The following ATAD3B variants were observed in gnomAD, a reference collection of about 807,000 sequenced individuals.
ATAD3B encodes the protein ATPase family AAA domain containing 3B.
Under a neutral mutation model 70.2 loss-of-function variants are expected in ATAD3B, and 59 were observed. The ratio of observed to expected loss-of-function variants is 0.84; its 90% CI spans 0.68 to 1.04. The LOEUF (loss-of-function observed/expected upper bound fraction) is 1.04, where lower values mean the gene tolerates loss of function less well. Among genes scored for constraint, ATAD3B ranks in the 50% least tolerant of loss-of-function variants. The pLI is 0.00. For missense variants in ATAD3B, 961 were observed against 913.4 expected (o/e 1.05, Z -0.67); for synonymous variants, 423 against 388.6 (o/e 1.09, Z -1.04).
rs573569267 is a variant in ATAD3B at position 1,487,802 on chromosome 1, C to T, written c.1215-61C>T. On this transcript the variant is annotated intron_variant, in intron 11 of 15. Transcript: ENST00000673477. ...CTGGCCTGCTCCTGCCGCGGCCGGA[C>T]GCTGCTGTGGGCTGCTCCTGGCGTC... 16 of 1,595,102 alleles carry T rather than the reference C, an allele frequency of 1.0e-5. 1 individual carries two copies. The highest frequency in any genetic ancestry group is 1.3e-5 in the African/African-American group (1 of 74,722).
In ATAD3B at chr1:1,471,943, C is replaced by T; in HGVS notation, c.59C>T (p.Pro20Leu). The change falls in exon 1 of 16, where the codon CCG becomes CTG. Residue 20 changes from proline (P) to leucine (L), a missense_variant. Coordinates refer to ENST00000673477, the MANE Select transcript of ATAD3B (RefSeq NM_031921.6). Reference sequence around the variant, plus strand: ...AAGGGTGAAGGCGCGGGGCCGCCGCCGCCTTTGCCGCCCGCGCAGCCCGGG... The same window carrying T: ...AAGGGTGAAGGCGCGGGGCCGCCGCTGCCTTTGCCGCCCGCGCAGCCCGGG... ...GPKGEGAGPP[P>L]PLPPAQPGAE... 2 of 1,238,944 alleles carry T rather than the reference C, an allele frequency of 1.6e-6. No homozygotes were observed. The highest frequency in any genetic ancestry group is 2.0e-6 in the Non-Finnish European group (2 of 986,408). 76.7% of individuals were successfully genotyped at this position (1,238,944 alleles called of 1,614,324 possible).
At chr1:1,503,531 C>G in the ATAD3B span, 3 of 1,561,536 alleles carry the variant, frequency 1.9e-6, no homozygotes, top group South Asian at 2.3e-5. Flanking sequence ...TGGTGCCTGC[C>G]CAGCGGCATC....
At chr1:1,503,095 C>A in the ATAD3B span, among the ~76,000 whole-genome samples, 1 of 151,484 alleles carries the variant, frequency 6.6e-6, no homozygotes, top group African/African-American at 2.4e-5. Context: ...TGGTGGCGGG[C>A]ACCTGTAGTC....
At chr1:1,497,896 C>G (rs1412619559), downstream of ATAD3B, 1 of 148,578 alleles carries the variant, frequency 6.7e-6, no homozygotes, top group Non-Finnish European at 1.5e-5. Context: ...CCCAGCACAG[C>G]AGCTCACGCC....
At chr1:1,491,538 A>G (rs556330498) in intron 15 of ATAD3B, among the ~76,000 whole-genome samples, 1 of 151,930 alleles carries the variant, frequency 6.6e-6, no homozygotes, top group East Asian at 1.9e-4. Flanking sequence ...TCAAAATAAA[A>G]GAAAGCTTTG....
At chr1:1,505,461 G>A in the ATAD3B span, among the ~76,000 whole-genome samples, 1 of 152,206 alleles carries the variant, frequency 6.6e-6, no homozygotes, top group African/African-American at 2.4e-5. Flanking sequence ...CTGTGGGCGG[G>A]CCTGACCCTC....
rs1186998003 is a variant in ATAD3B at position 1,496,631 on chromosome 1, C to G, written c.*814C>G. The G allele has an allele frequency of 2.0e-5, 3 of 151,914 alleles. No individual in the cohort carries two copies. The highest frequency in any genetic ancestry group is 3.9e-4 in the East Asian group (2 of 5,156). 9.4% of individuals were successfully genotyped at this position (151,914 alleles called of 1,614,324 possible). A position where few individuals can be genotyped will look rare whatever the true frequency, so the allele number is the denominator to read the frequency against. On this transcript the variant is annotated 3_prime_UTR_variant, in exon 16 of 16. Coordinates refer to ENST00000673477, the MANE Select transcript of ATAD3B (RefSeq NM_031921.6). ...CAGGCCACACTGGGAGACCACAGTC[C>G]TGGCATGCCATGCAGCTCCCTGTCC...
Position 1,478,900 on chromosome 1 carries a change from C to A in ATAD3B, c.385-149C>A, listed in dbSNP as rs1350647495. 166 of 718,228 alleles carry A rather than the reference C, an allele frequency of 2.3e-4. 1 individual carries two copies. The highest frequency in any genetic ancestry group is 3.3e-4 in the Non-Finnish European group (153 of 466,964). 44.5% of individuals were successfully genotyped at this position (718,228 alleles called of 1,614,324 possible). On this transcript the variant is annotated intron_variant, in intron 3 of 15. Coordinates refer to ENST00000673477, the MANE Select transcript of ATAD3B (RefSeq NM_031921.6). ...CACAAACGCCTAAGACCTGTAAGGT[C>A]CCTCACTGCTGAGCCGGACGGGAGG...
intron 4 of ATAD3B, 39 bp from the exon 5 acceptor site, chr1:1,480,828 T>G: frequency 6.3e-7 from 1 of 1,593,704 alleles, no homozygotes; most frequent in Non-Finnish European, 8.5e-7. Flanking sequence ...ATTTTTCTGG[T>G]TTTAAAGGCT....
intron 2 of ATAD3B, chr1:1,478,441 C>T (rs1241296512): frequency 3.9e-6 from 6 of 1,532,448 alleles, no homozygotes; most frequent in Non-Finnish European, 4.4e-6. Context: ...GCAGGCTTCT[C>T]TGCTGGTGCT....
At position 1,493,859 on chromosome 1, in the gene ATAD3B, A is replaced by G. The variant is rs138725529; in HGVS notation, c.1615-1626A>G. 5.5e-3 allele frequency among the ~76,000 whole-genome samples: 834 copies of G among 152,054 alleles called. 13 individuals carry two copies. Among genetic ancestry groups the G allele is most frequent in the African/African-American group, 0.019 (797 of 41,520 alleles). On this transcript the variant is annotated intron_variant, in intron 15 of 15. Transcript: ENST00000673477. ...GTTGAGGACTTTCCCAGTGAGGCTC[A>G]TCAGGGATATTGGCCTGCCATTTCT...
At position 1,496,040 on chromosome 1, in the gene ATAD3B, C is replaced by T. The variant is rs1640779195; in HGVS notation, c.*223C>T. 3.0e-6 allele frequency: 4 copies of T among 1,327,890 alleles called. No homozygotes were observed. The highest frequency in any genetic ancestry group is 1.5e-5 in the African/African-American group (1 of 68,096). The allele number at this position is 1,327,890 out of a possible 1,614,324, so 82.3% of individuals were successfully genotyped here. On this transcript the variant is annotated 3_prime_UTR_variant, in exon 16 of 16. Transcript: ENST00000673477. ...GCAGAGCCAGGTGAGGGGGGGCCTG[C>T]CAGGACTAGACAGAAGTGGGGCGGC...
At chr1:1,502,546 C>CT (rs1197359939), downstream of ATAD3B, among the ~76,000 whole-genome samples, 1 of 118,374 alleles carries the variant, frequency 8.4e-6, no homozygotes. Context: ...GAGTCATGCT[C>CT]TGTCGCTGAG....
rs371490387 is a variant in ATAD3B at position 1,477,254 on chromosome 1, C to T, written c.206-20C>T. The T allele has an allele frequency of 6.4e-5, 103 of 1,611,728 alleles. No homozygotes were observed. Among genetic ancestry groups the T allele is most frequent in the African/African-American group, 2.9e-4 (22 of 74,978 alleles). ...ATCCGTGTATCCTACACCTGCTCTC[C>T]GTGCCACATGCGCCCGCAGGTTACG... On this transcript the variant is annotated intron_variant, in intron 1 of 15. Coordinates refer to ENST00000673477, the MANE Select transcript of ATAD3B (RefSeq NM_031921.6).
rs775847012 is a variant in ATAD3B, at chr1:1,477,325, A to T, written c.257A>T (p.Gln86Leu). Residue 86 changes from glutamine to leucine, a missense_variant, in exon 2 of 16, where the codon CAG becomes CTG. Gln to Leu is a moderately radical substitution (Grantham distance 113). Coordinates refer to ENST00000673477, the MANE Select transcript of ATAD3B (RefSeq NM_031921.6). ...GCGCAGATGCAGGAGCAGACGCTGCAGTTGGAGCAACAGTCCAAGCTCAAA... is the reference window on the plus strand; with the variant it reads ...GCGCAGATGCAGGAGCAGACGCTGCTGTTGGAGCAACAGTCCAAGCTCAAA... ...NLAQMQEQTL[Q>L]LEQQSKLKEY... 2 of 1,612,250 alleles carry T rather than the reference A, an allele frequency of 1.2e-6. No individual in the cohort carries two copies.
At chr1:1,503,266 T>A in the ATAD3B span, 1 of 280,074 alleles carries the variant, frequency 3.6e-6, no homozygotes, top group East Asian at 6.9e-5. Flanking sequence ...CATGATAAAA[T>A]GGACACTTTA....
At chr1:1,487,103 C>T (rs1640260150) in intron 11 of ATAD3B, among the ~76,000 whole-genome samples, 1 of 152,106 alleles carries the variant, frequency 6.6e-6, no homozygotes, top group Non-Finnish European at 1.5e-5. Flanking sequence ...CAGGGCACAG[C>T]CCGGGCACCC....
intron 4 of ATAD3B, among the ~76,000 whole-genome samples, chr1:1,480,494 C>T (rs1459979800): frequency 2.0e-5 from 3 of 147,320 alleles, no homozygotes; most frequent in South Asian, 2.2e-4. Context: ...AGCTCGCAGG[C>T]GGGGTTCACA....
At chr1:1,489,838 G>T (rs1640435054) in intron 13 of ATAD3B, 7 of 1,231,488 alleles carry the variant, frequency 5.7e-6, no homozygotes, top group Admixed American at 6.5e-5. Context: ...CAAGGCTGGG[G>T]CCCTGCTGAG....
Sources: gnomAD v4.1 joint callset for allele counts (sites outside exome capture counted in the v4.1 genomes callset) on GRCh38, gnomAD v4.1.1 for gene constraint, MANE v1.5 for transcripts, NCBI Gene and HGNC (gene_info 2026-07-23, HGNC 2026-07-21) for gene names.